The following COG5 variants were observed in gnomAD, a reference collection of about 807,000 sequenced individuals.
The protein encoded by COG5 is conserved oligomeric Golgi complex subunit 5.
A neutral mutation model predicts 110.4 loss-of-function variants in COG5; 86 were observed. The ratio of observed to expected loss-of-function variants is 0.78; its 90% CI spans 0.65 to 0.93. COG5 has a LOEUF of 0.93. Among genes scored for constraint, COG5 ranks in the 40% least tolerant of loss-of-function variants. The pLI is 0.00. For missense variants in COG5, 1,077 were observed against 987.0 expected (o/e 1.09, Z -1.22); for synonymous variants, 360 against 334.6 (o/e 1.08, Z -0.83).
intron 6 of COG5, among the ~76,000 whole-genome samples, chr7:107,428,697 A>T (rs1347338656): frequency 6.6e-6 from 1 of 151,938 alleles, no homozygotes; most frequent in Non-Finnish European, 1.5e-5. Context: ...TGTTATATTC[A>T]TTTTTTTTCT....
At chr7:107,223,446 G>A (rs1467089347) in intron 19 of COG5, among the ~76,000 whole-genome samples, 1 of 152,186 alleles carries the variant, frequency 6.6e-6, no homozygotes, top group Non-Finnish European at 1.5e-5. Flanking sequence ...AGTCTAGATT[G>A]TCTATACCAG....
chr7:107,306,607 T>C lies in COG5; in HGVS notation c.1109-8261A>G, dbSNP rs1306409050. On this transcript the variant is annotated intron_variant, in intron 11 of 21. Coordinates refer to ENST00000297135, the MANE Select transcript of COG5 (RefSeq NM_006348.5). ...CATTTTGGTTTTCTATTGTTTCTCC[T>C]CCTCATAATGGCAGCAACACAAAGT... Among the ~76,000 whole-genome samples, 5 of 152,292 alleles carry C rather than the reference T, an allele frequency of 3.3e-5. No individual in the cohort carries two copies. In the East Asian group the frequency reaches 5.8e-4, roughly 18 times the overall value.
chr7:107,522,676 T>C (rs1800424208), intron 6 of COG5, among the ~76,000 whole-genome samples: 1 of 152,082 alleles, frequency 6.6e-6, no homozygotes, highest in South Asian at 2.1e-4. Flanking sequence ...TTAAGTTCTG[T>C]AGTTTTAGAT....
chr7:107,354,398 G>A (rs1812443523), intron 10 of COG5, among the ~76,000 whole-genome samples: 1 of 152,222 alleles, frequency 6.6e-6, no homozygotes, highest in African/African-American at 2.4e-5. Context: ...CTGAACTAGG[G>A]CTGGGTGTGG....
At chr7:107,346,371 G>C (rs1433260771) in intron 10 of COG5, among the ~76,000 whole-genome samples, 2 of 151,914 alleles carry the variant, frequency 1.3e-5, no homozygotes, top group Non-Finnish European at 2.9e-5. Context: ...ACTGTGACTG[G>C]AAAGGAAACA....
intron 19 of COG5, among the ~76,000 whole-genome samples, chr7:107,220,019 G>C (rs1407687309): frequency 6.6e-6 from 1 of 152,140 alleles, no homozygotes; most frequent in Non-Finnish European, 1.5e-5. Context: ...TTTTACAGAT[G>C]GGTAAACAGA....
chr7:107,209,968 A>G (rs1799048596), intron 21 of COG5: 1 of 990,166 alleles, frequency 1.0e-6, no homozygotes, highest in South Asian at 4.6e-5. Context: ...CAGTTAAAGC[A>G]CCCCACCCTG....
chr7:107,290,803 A>G (rs1806102301), intron 12 of COG5, among the ~76,000 whole-genome samples: 1 of 151,926 alleles, frequency 6.6e-6, no homozygotes, highest in African/African-American at 2.4e-5. Flanking sequence ...TAAGTGAAGT[A>G]TAGTTGTATT....
chr7:107,458,715 C>G (rs1422145335), intron 6 of COG5, among the ~76,000 whole-genome samples: 1 of 151,906 alleles, frequency 6.6e-6, no homozygotes, highest in Non-Finnish European at 1.5e-5. Context: ...AAAAATTAGC[C>G]AGGTGTGGTG....
chr7:107,451,877 T>G (rs1451832054), intron 6 of COG5, among the ~76,000 whole-genome samples: 1 of 152,174 alleles, frequency 6.6e-6, no homozygotes, highest in Non-Finnish European at 1.5e-5. Context: ...AATTGGCTAT[T>G]AGCAGTTAAG....
chr7:107,463,918 TC>T (rs1366311333), intron 6 of COG5, among the ~76,000 whole-genome samples: 1 of 152,106 alleles, frequency 6.6e-6, no homozygotes, highest in Non-Finnish European at 1.5e-5. Context: ...CCTGCAGTCC[TC>T]AGTGCCTTCA....
At chr7:107,237,826 G>A (rs561183544) in intron 17 of COG5, among the ~76,000 whole-genome samples, 3 of 152,138 alleles carry the variant, frequency 2.0e-5, no homozygotes, top group South Asian at 2.1e-4. Flanking sequence ...AGTAAATGAC[G>A]GCCATCTTCA....
chr7:107,530,601 C>CAAAAAAAAAAAAAAAAAAAAAAAAAAA (rs953588412), intron 5 of COG5, among the ~76,000 whole-genome samples: 1 of 47,768 alleles, frequency 2.1e-5, no homozygotes, highest in African/African-American at 8.0e-5. Context: ...AACTCCATCT[C>CAAAAAAAAAAAAAAAAAAAAAAAAAAA]AAAAAAAAAA....
At chr7:107,253,522 A>G (rs1444622568) in intron 16 of COG5, among the ~76,000 whole-genome samples, 2 of 152,162 alleles carry the variant, frequency 1.3e-5, no homozygotes, top group Non-Finnish European at 2.9e-5. Context: ...GACAAATCTC[A>G]GTAAAAAATG....
At chr7:107,507,457 C>T (rs1366401665) in intron 6 of COG5, among the ~76,000 whole-genome samples, 2 of 142,544 alleles carry the variant, frequency 1.4e-5, no homozygotes, top group African/African-American at 5.3e-5. Context: ...CCATGCCCAG[C>T]TAATTTTTTG....
chr7:107,465,698 T>G (rs932860372), intron 6 of COG5, among the ~76,000 whole-genome samples: 12 of 152,186 alleles, frequency 7.9e-5, no homozygotes, highest in African/African-American at 2.9e-4. Context: ...AATTAAACTC[T>G]TAAAATGCAT....
chr7:107,282,843 G>A (rs562149318), intron 13 of COG5, among the ~76,000 whole-genome samples: 5 of 152,046 alleles, frequency 3.3e-5, no homozygotes, highest in Non-Finnish European at 7.4e-5. Flanking sequence ...ACTCTTCCAC[G>A]CCTCAGAATC....
chr7:107,328,961 C>T (rs1441361244), intron 10 of COG5, among the ~76,000 whole-genome samples: 1 of 152,118 alleles, frequency 6.6e-6, no homozygotes, highest in African/African-American at 2.4e-5. Context: ...CCTGGGACTA[C>T]AGGCACACGC....
rs112735783 is a variant in COG5 at position 107,221,083 on chromosome 7, C to T, written c.2168+9532G>A. Among the ~76,000 whole-genome samples, 10 of 152,190 alleles carry T rather than the reference C, an allele frequency of 6.6e-5. 3 individuals carry two copies. The highest frequency in any genetic ancestry group is 2.4e-4 in the African/African-American group (10 of 41,540). Reference sequence around the variant, plus strand: ...CTGTGTGCCTTGGCCTCCCAAAGTGCTGGAATTACAGGCATGAGCCACTGC... The same window carrying T: ...CTGTGTGCCTTGGCCTCCCAAAGTGTTGGAATTACAGGCATGAGCCACTGC... On this transcript the variant is annotated intron_variant, in intron 19 of 21. Coordinates refer to ENST00000297135, the MANE Select transcript of COG5 (RefSeq NM_006348.5).
Sources: allele counts gnomAD v4.1 joint callset (sites outside exome capture counted in the v4.1 genomes callset), GRCh38; gene constraint gnomAD v4.1.1; transcripts MANE v1.5; gene names NCBI Gene and HGNC (gene_info 2026-07-23, HGNC 2026-07-21).